The following TTLL9 variants were observed in gnomAD, a reference collection of about 807,000 sequenced individuals.
TTLL9 encodes the protein tubulin tyrosine ligase like 9, also known as probable tubulin polyglutamylase TTLL9.
In TTLL9, 47 loss-of-function variants were observed where a neutral mutation model predicts 65.6. The ratio of observed to expected loss-of-function variants is 0.72; its 90% CI spans 0.57 to 0.91. The LOEUF (loss-of-function observed/expected upper bound fraction) is 0.91, where lower values mean the gene tolerates loss of function less well. TTLL9 is among the 40% of genes least tolerant of loss of function. TTLL9 has a pLI of 0.00. For synonymous variants in TTLL9, 179 were observed against 204.8 expected (o/e 0.87, Z 1.07); for missense variants, 537 against 568.8 (o/e 0.94, Z 0.57).
chr20:31,931,281 G>T (rs975160730), intron 10 of TTLL9, among the ~76,000 whole-genome samples: 1 of 151,730 alleles, frequency 6.6e-6, no homozygotes, highest in Non-Finnish European at 1.5e-5. Context: ...GTCTCACTAT[G>T]TTGCCCAGGC....
At chr20:31,909,964 C>T (rs748971149) in intron 6 of TTLL9, 42 bp downstream of exon 6, 2 of 1,569,456 alleles carry the variant, frequency 1.3e-6, no homozygotes, top group Non-Finnish European at 1.7e-6. Context: ...GGGAATGAGT[C>T]CCAGGTGCCA....
chr20:31,873,870 AAGAAAGAAAGAAAG>A (rs1018003776), intron 2 of TTLL9, among the ~76,000 whole-genome samples: 8 of 141,046 alleles, frequency 5.7e-5, no homozygotes, highest in Non-Finnish European at 9.5e-5. Flanking sequence ...GAAAGAAAGA[AAGAAAGAAAGAAAG>A]AGAAAGAAAA....
In TTLL9 at chr20:31,898,657, A is replaced by G. The variant is rs1177700136; in HGVS notation, c.206+92A>G. 7.9e-6 allele frequency: 9 copies of G among 1,140,680 alleles called. No homozygotes were observed. The East Asian group carries it at 1.9e-4, about 24-fold the overall frequency. The allele number at this position is 1,140,680 out of a possible 1,614,324, so 70.7% of individuals were successfully genotyped here. A position where few individuals can be genotyped will look rare whatever the true frequency, so the allele number is the denominator to read the frequency against. On this transcript the variant is annotated intron_variant, in intron 4 of 14. Coordinates refer to ENST00000535842, the MANE Select transcript of TTLL9 (RefSeq NM_001008409.5). ...TTTCTCCCAGTTCCCCTGGGTGGCC[A>G]CTGGGACTTGTCCCAAAGTGGCTGT...
At chr20:31,907,790 C>T (rs767889527) in intron 4 of TTLL9, among the ~76,000 whole-genome samples, 11 of 151,904 alleles carry the variant, frequency 7.2e-5, no homozygotes, top group Non-Finnish European at 1.3e-4. Context: ...TGGTTTCCTT[C>T]GCGGCAGAAC....
chr20:31,900,569 C>T (rs930273843), intron 4 of TTLL9, among the ~76,000 whole-genome samples: 7 of 152,260 alleles, frequency 4.6e-5, no homozygotes, highest in African/African-American at 1.4e-4. Flanking sequence ...AAGACACCAG[C>T]GTCTTCTCTT....
intron 4 of TTLL9, among the ~76,000 whole-genome samples, chr20:31,900,553 T>G (rs2063463528): frequency 6.6e-6 from 1 of 152,202 alleles, no homozygotes; most frequent in African/African-American, 2.4e-5. Context: ...GTGGTGCAGG[T>G]AACTCAAGAC....
At chr20:31,924,891 A>C in intron 8 of TTLL9, 118 bp from the exon 9 acceptor site, 2 of 1,127,976 alleles carry the variant, frequency 1.8e-6, no homozygotes, top group South Asian at 2.7e-5. Flanking sequence ...GTGTAGTTTC[A>C]GCAGGAGCTT....
chr20:31,931,640 G>T (rs2064014211), intron 10 of TTLL9, among the ~76,000 whole-genome samples: 1 of 152,130 alleles, frequency 6.6e-6, no homozygotes, highest in African/African-American at 2.4e-5. Flanking sequence ...GTTTTGATTG[G>T]CATTTCCCTG....
chr20:31,890,153 C>CTTT (rs1435757804), intron 3 of TTLL9, among the ~76,000 whole-genome samples: 1,507 of 96,448 alleles, frequency 0.016, 12 homozygotes, highest in Middle Eastern at 0.022. Flanking sequence ...TTCCTTCCTT[C>CTTT]CTTCTTTCTT....
At chr20:31,941,544 A>G (rs1362812673) in intron 14 of TTLL9, among the ~76,000 whole-genome samples, 4 of 150,740 alleles carry the variant, frequency 2.7e-5, no homozygotes, top group Non-Finnish European at 4.4e-5. Flanking sequence ...GCCCAAGTTG[A>G]GAGCTACTGT....
chr20:31,933,889 T>C (rs1271904056), intron 11 of TTLL9, 31 bp downstream of exon 11: 6 of 1,604,902 alleles, frequency 3.7e-6, no homozygotes. Context: ...TATGCACGGG[T>C]ACAGCCCTCT....
chr20:31,871,211 G>C lies in TTLL9; in HGVS notation c.69+16G>C. On this transcript the variant is annotated intron_variant, in intron 2 of 14. Coordinates refer to ENST00000535842, the MANE Select transcript of TTLL9 (RefSeq NM_001008409.5). ...GAAATTACAGGTGAATGTTGGGAGA[G>C]GGGTTTGAGGGAGGGTTCCAGTCTG... The C allele has an allele frequency of 1.2e-6, 2 of 1,613,200 alleles. No homozygotes were observed. Among genetic ancestry groups the C allele is most frequent in the South Asian group, 1.1e-5 (1 of 91,070 alleles).
intron 3 of TTLL9, among the ~76,000 whole-genome samples, chr20:31,890,715 T>C (rs1182390649): frequency 1.3e-5 from 2 of 152,214 alleles, no homozygotes; most frequent in African/African-American, 2.4e-5. Flanking sequence ...GAACGTAGAA[T>C]GCACTGCAGA....
In TTLL9 at chr20:31,943,411, C is replaced by G; in HGVS notation, c.*390C>G. The G allele has an allele frequency of 3.1e-6, 1 of 326,904 alleles. No homozygotes were observed. 20.3% of individuals were successfully genotyped at this position (326,904 alleles called of 1,614,324 possible). A position where few individuals can be genotyped will look rare whatever the true frequency, so the allele number is the denominator to read the frequency against. ...TTCCGGGGATACTGTTGGCTGCAGC[C>G]AAGTCCTCCTGGCTTTGACACTTGG... On this transcript the variant is annotated 3_prime_UTR_variant, in exon 15 of 15. Coordinates refer to ENST00000535842, the MANE Select transcript of TTLL9 (RefSeq NM_001008409.5).
rs1267028725 is a variant in TTLL9, at chr20:31,943,027, A to T, written c.*6A>T. ...AGAAGAAAGCTTCCAGTTGATCCCCAGCTGCCAGGAGGAAATCAGCCTTAG... is the reference window on the plus strand; with the variant it reads ...AGAAGAAAGCTTCCAGTTGATCCCCTGCTGCCAGGAGGAAATCAGCCTTAG... On this transcript the variant is annotated 3_prime_UTR_variant, in exon 15 of 15. Coordinates refer to ENST00000535842, the MANE Select transcript of TTLL9 (RefSeq NM_001008409.5). The T allele has an allele frequency of 2.5e-6, 4 of 1,613,776 alleles. No individual in the cohort carries two copies. In the South Asian group the frequency reaches 4.4e-5, roughly 18 times the overall value.
chr20:31,923,221 C>T (rs556440137), intron 8 of TTLL9, among the ~76,000 whole-genome samples, 168 bp downstream of exon 8: 3 of 152,326 alleles, frequency 2.0e-5, no homozygotes, highest in East Asian at 3.9e-4. Context: ...ATTGCCTGTA[C>T]AGTTCCCTCT....
chr20:31,924,386 T>TC (rs935934800), intron 8 of TTLL9, among the ~76,000 whole-genome samples: 1 of 151,910 alleles, frequency 6.6e-6, no homozygotes, highest in African/African-American at 2.4e-5. Context: ...CCAAGCTCTT[T>TC]CCCCCTCCAG....
At chr20:31,935,737 C>A (rs1159987734) in intron 12 of TTLL9, among the ~76,000 whole-genome samples, 2 of 152,258 alleles carry the variant, frequency 1.3e-5, no homozygotes, top group Non-Finnish European at 2.9e-5. Flanking sequence ...CTGCAGGAAG[C>A]ACTGGAGCAT....
intron 8 of TTLL9, among the ~76,000 whole-genome samples, chr20:31,923,811 G>T (rs965789075): frequency 6.6e-6 from 1 of 151,950 alleles, no homozygotes; most frequent in Non-Finnish European, 1.5e-5. Context: ...CAGCCCCTGG[G>T]CCTCTTCTCC....
Sources: allele counts gnomAD v4.1 joint callset (sites outside exome capture counted in the v4.1 genomes callset), GRCh38; gene constraint gnomAD v4.1.1; transcripts MANE v1.5; gene names NCBI Gene and HGNC (gene_info 2026-07-23, HGNC 2026-07-21).